Variants in PKP4 observed in about 807,000 individuals in gnomAD.
PKP4 encodes the protein plakophilin 4, also known as plakophilin-4.
In PKP4, 90 loss-of-function variants were observed where a neutral mutation model predicts 145.1. The observed-to-expected ratio is 0.62, with a 90% CI of 0.52 to 0.74. PKP4 has a LOEUF of 0.74. PKP4 is among the 30% of genes least tolerant of loss of function. The probability of loss-of-function intolerance (pLI) is 0.00; values close to 1 mark genes in which losing one functional copy is unlikely to be tolerated. For synonymous variants in PKP4, 563 were observed against 577.2 expected, an observed-to-expected ratio of 0.98 and a Z score of 0.35; for missense variants, 1,340 against 1,482.7, an observed-to-expected ratio of 0.90 and a Z score of 1.58.
chr2:158,672,624 T>C lies in PKP4; in HGVS notation c.2925-1053T>C, dbSNP rs535101490. On this transcript the variant is annotated intron_variant, in intron 17 of 21. Transcript: ENST00000389759. ...GCTGTCTTGGGTGCCTGAAATTTCA[T>C]CTGTGTTTATTTCTTTGGGGTATTT... is the stretch of plus-strand genomic sequence containing the variant. Among the ~76,000 whole-genome samples, 43 of 152,322 alleles carry C rather than the reference T, an allele frequency of 2.8e-4. No individual in the cohort carries two copies. In the East Asian group the frequency reaches 4.4e-3, roughly 16 times the overall value.
intron 3 of PKP4, among the ~76,000 whole-genome samples, chr2:158,596,503 A>G (rs1411816342): frequency 1.3e-5 from 2 of 152,264 alleles, no homozygotes; most frequent in African/African-American, 2.4e-5. Flanking sequence ...CACCTGATTC[A>G]TGTATTAATT....
chr2:158,533,144 G>A, intron 1 of PKP4, 36 bp from the exon 2 acceptor site: 20 of 1,567,326 alleles, frequency 1.3e-5, no homozygotes, highest in Non-Finnish European at 1.7e-5. Context: ...AGGGAGCCCA[G>A]AAGAAAGTGT....
intron 2 of PKP4, among the ~76,000 whole-genome samples, chr2:158,561,808 A>ATTTT (rs1427519880): frequency 7.9e-6 from 1 of 126,004 alleles, no homozygotes; most frequent in Non-Finnish European, 1.9e-5. Context: ...TTTTTTTTTA[A>ATTTT]TTTAAGTTCT....
intron 3 of PKP4, among the ~76,000 whole-genome samples, chr2:158,588,050 A>AT (rs1177861536): frequency 6.6e-6 from 1 of 151,988 alleles, no homozygotes; most frequent in Non-Finnish European, 1.5e-5. Flanking sequence ...CTGCTCTTGT[A>AT]TATTTATATC....
intron 17 of PKP4, 85 bp downstream of exon 17, chr2:158,670,000 T>A: frequency 1.1e-5 from 12 of 1,049,150 alleles, no homozygotes; most frequent in East Asian, 2.5e-5. Flanking sequence ...ATACCTTTCC[T>A]ATTGGAAAGG....
intron 3 of PKP4, among the ~76,000 whole-genome samples, chr2:158,589,461 TA>T (rs2049070455): frequency 6.6e-6 from 1 of 152,162 alleles, no homozygotes; most frequent in Non-Finnish European, 1.5e-5. Flanking sequence ...GTGTTGGCTG[TA>T]CCGAGGCATC....
chr2:158,564,173 T>A (rs2046777393), intron 2 of PKP4, among the ~76,000 whole-genome samples: 1 of 151,980 alleles, frequency 6.6e-6, no homozygotes, highest in Non-Finnish European at 1.5e-5. Flanking sequence ...TTGGTCACCC[T>A]TCTGAGGTGA....
chr2:158,623,800 A>G (rs1033643329), intron 6 of PKP4, among the ~76,000 whole-genome samples: 1 of 152,168 alleles, frequency 6.6e-6, no homozygotes, highest in Non-Finnish European at 1.5e-5. Context: ...TCTAGCAGCC[A>G]CTAAGGAGGT....
At chr2:158,498,308 A>G (rs1332506028) in intron 1 of PKP4, among the ~76,000 whole-genome samples, 4 of 152,144 alleles carry the variant, frequency 2.6e-5, no homozygotes, top group African/African-American at 9.7e-5. Flanking sequence ...TTTTTTAGTC[A>G]ATGTAAATAT....
At chr2:158,494,576 T>C (rs1372487803) in intron 1 of PKP4, among the ~76,000 whole-genome samples, 1 of 152,216 alleles carries the variant, frequency 6.6e-6, no homozygotes, top group East Asian at 1.9e-4. Flanking sequence ...ACTTTCATTA[T>C]TCAGTTATTT....
intron 9 of PKP4, among the ~76,000 whole-genome samples, chr2:158,639,956 G>A (rs2054136301): frequency 6.6e-6 from 1 of 152,098 alleles, no homozygotes; most frequent in South Asian, 2.1e-4. Flanking sequence ...CAGGATAGGG[G>A]TTTATGAAAT....
intron 17 of PKP4, among the ~76,000 whole-genome samples, chr2:158,671,009 C>T (rs2057511300): frequency 6.6e-6 from 1 of 152,166 alleles, no homozygotes. Context: ...CCCCCAAACC[C>T]CCTGCTTTGC....
At chr2:158,554,661 G>A (rs1364432719) in intron 2 of PKP4, among the ~76,000 whole-genome samples, 4 of 152,060 alleles carry the variant, frequency 2.6e-5, no homozygotes, top group Admixed American at 1.3e-4. Context: ...TCCTGACCTC[G>A]TGATCCGCCT....
chr2:158,477,637 A>G (rs1014498347), intron 1 of PKP4, among the ~76,000 whole-genome samples: 7 of 152,204 alleles, frequency 4.6e-5, no homozygotes, highest in Admixed American at 1.3e-4. Flanking sequence ...ATATTGATCA[A>G]CTGGGATTAG....
chr2:158,472,232 A>G (rs921140224), intron 1 of PKP4, among the ~76,000 whole-genome samples: 6 of 152,250 alleles, frequency 3.9e-5, no homozygotes, highest in Admixed American at 3.9e-4. Flanking sequence ...TTCCACATGT[A>G]TGTATACTTC....
intron 10 of PKP4, 91 bp downstream of exon 10, chr2:158,640,850 T>A: frequency 7.3e-7 from 1 of 1,369,774 alleles, no homozygotes; most frequent in Non-Finnish European, 1.0e-6. Context: ...TTACCCAGTG[T>A]AATTCAAGAG....
chr2:158,508,549 T>G (rs895965741), intron 1 of PKP4, among the ~76,000 whole-genome samples: 5 of 152,156 alleles, frequency 3.3e-5, no homozygotes, highest in Non-Finnish European at 5.9e-5. Flanking sequence ...AGAGTACTAG[T>G]AGTAACTCAG....
intron 3 of PKP4, among the ~76,000 whole-genome samples, chr2:158,583,723 T>G (rs2048537288): frequency 6.6e-6 from 1 of 152,160 alleles, no homozygotes; most frequent in East Asian, 1.9e-4. Flanking sequence ...TTAAAAAAAT[T>G]TATTTTTTAA....
intron 1 of PKP4, among the ~76,000 whole-genome samples, chr2:158,513,750 A>G (rs796208232): frequency 7.2e-5 from 11 of 152,184 alleles, no homozygotes; most frequent in African/African-American, 2.6e-4. Flanking sequence ...GGCAAATTTA[A>G]AGGCTGTGGA....
Sources: allele counts gnomAD v4.1 joint callset (sites outside exome capture counted in the v4.1 genomes callset), GRCh38; gene constraint gnomAD v4.1.1; transcripts MANE v1.5; gene names NCBI Gene and HGNC (gene_info 2026-07-23, HGNC 2026-07-21).